Variants in ZFAT observed in about 807,000 individuals in gnomAD.
ZFAT encodes the protein zinc finger protein ZFAT.
Under a neutral mutation model 117.7 loss-of-function variants are expected in ZFAT, and 64 were observed. The ratio of observed to expected loss-of-function variants is 0.54; its 90% CI spans 0.44 to 0.67. The LOEUF is 0.67. Ranked by LOEUF, ZFAT falls within the 30% of genes least tolerant of loss-of-function variation. The pLI is 0.00. For missense variants in ZFAT, 1,433 were observed against 1,584.5 expected, an observed-to-expected ratio of 0.90 and a Z score of 1.62; for synonymous variants, 679 against 615.0, an observed-to-expected ratio of 1.10 and a Z score of -1.54.
intron 15 of ZFAT, among the ~76,000 whole-genome samples, chr8:134,500,877 C>T (rs6421010): frequency 0.95 from 144,132 of 152,282 alleles, 68,225 homozygotes; most frequent in East Asian, 1. Context: ...ATAAGGAATG[C>T]CAAGTATGAG....
chr8:134,749,146 C>T, the ZFAT span, among the ~76,000 whole-genome samples: 4 of 152,128 alleles, frequency 2.6e-5, no homozygotes, highest in African/African-American at 4.8e-5. Context: ...TTAATTTTTA[C>T]TATAACCAAT....
At chr8:134,538,243 G>A (rs574935573) in intron 11 of ZFAT, among the ~76,000 whole-genome samples, 106 of 152,242 alleles carry the variant, frequency 7.0e-4, no homozygotes, top group African/African-American at 2.2e-3. Context: ...CTGGAATCAC[G>A]GGATCTGAGG....
chr8:134,653,419 GTTTTTTTTTTTTTTT>G (rs61711569), intron 2 of ZFAT, among the ~76,000 whole-genome samples: 1 of 51,338 alleles, frequency 1.9e-5, no homozygotes, highest in Non-Finnish European at 3.3e-5. Flanking sequence ...CGTTTTATCT[GTTTTTTTTTTTTTTT>G]TTTTTTTTTT....
At position 134,521,008 on chromosome 8, in the gene ZFAT, G is replaced by A. The variant is rs777673293; in HGVS notation, c.3116-7C>T. ...ACAGGACACTTCAAACCACCTGAAA[G>A]CACAGACAGAGGTTAAAAAAAAAAT... On this transcript the variant is annotated splice_polypyrimidine_tract_variant and splice_region_variant and intron_variant, in intron 12 of 15. Transcript: ENST00000377838. The A allele has an allele frequency of 6.2e-7, 1 of 1,606,762 alleles. No homozygotes were observed. The highest frequency in any genetic ancestry group is 8.5e-7 in the Non-Finnish European group (1 of 1,175,664).
chr8:134,785,241 T>C, the ZFAT span: 4 of 152,290 alleles, frequency 2.6e-5, no homozygotes, highest in African/African-American at 9.6e-5. Context: ...CCTTAAGTAG[T>C]CCTTTATGTA....
In ZFAT at chr8:134,534,031, C is replaced by A. The variant is rs531371481; in HGVS notation, c.2977-1059G>T. 3.3e-5 allele frequency among the ~76,000 whole-genome samples: 5 copies of A among 152,298 alleles called. No individual in the cohort carries two copies. The South Asian group carries it at 1.0e-3, about 32-fold the overall frequency. On this transcript the variant is annotated intron_variant, in intron 11 of 15. Transcript: ENST00000377838. ...GGAGCAGAAGAGCATGGAGCAGCCA[C>A]AATGGAAGCAGCACTCTGCCTGGTG... is the stretch of plus-strand genomic sequence containing the variant.
intron 12 of ZFAT, among the ~76,000 whole-genome samples, chr8:134,529,884 T>C (rs922743170): frequency 2.0e-5 from 3 of 152,202 alleles, no homozygotes; most frequent in Admixed American, 6.5e-5. Context: ...GAACACACTG[T>C]AAACCACCCA....
the ZFAT span, chr8:134,786,008 C>T: frequency 2.0e-4 from 30 of 152,118 alleles, no homozygotes; most frequent in Non-Finnish European, 3.4e-4. Flanking sequence ...ATTATTAGGT[C>T]CCCTTAGAGT....
chr8:134,680,081 T>TA (rs1167452981), intron 1 of ZFAT, among the ~76,000 whole-genome samples: 1 of 151,008 alleles, frequency 6.6e-6, no homozygotes, highest in African/African-American at 2.4e-5. Flanking sequence ...CCCCTGAACT[T>TA]AAAGTATAAT....
At chr8:134,497,141 G>T (rs373651288) in intron 15 of ZFAT, among the ~76,000 whole-genome samples, 17 of 151,684 alleles carry the variant, frequency 1.1e-4, no homozygotes, top group African/African-American at 3.9e-4. Flanking sequence ...GGAAAGAGGT[G>T]GGCACCTTGC....
chr8:134,547,067 C>T (rs1426715337), intron 11 of ZFAT, among the ~76,000 whole-genome samples: 1 of 152,122 alleles, frequency 6.6e-6, no homozygotes, highest in African/African-American at 2.4e-5. Context: ...CCTCAGTCAC[C>T]CAGGGTAAAG....
the ZFAT span, among the ~76,000 whole-genome samples, chr8:134,781,940 A>G: frequency 6.6e-6 from 1 of 152,260 alleles, no homozygotes. Flanking sequence ...ATGTGTTAAT[A>G]GACTATTTGT....
At chr8:134,516,202 C>T (rs74524784) in intron 13 of ZFAT, among the ~76,000 whole-genome samples, 1,534 of 152,316 alleles carry the variant, frequency 0.01, 17 homozygotes, top group Middle Eastern at 0.02. Context: ...TGGAATTGAC[C>T]AATGTTCCTC....
intron 3 of ZFAT, among the ~76,000 whole-genome samples, chr8:134,625,753 C>T (rs1829452728): frequency 6.6e-6 from 1 of 152,212 alleles, no homozygotes; most frequent in Non-Finnish European, 1.5e-5. Flanking sequence ...TGATGGGAAG[C>T]CTCAGCCCCA....
chr8:134,776,474 T>C, the ZFAT span, among the ~76,000 whole-genome samples: 1 of 151,774 alleles, frequency 6.6e-6, no homozygotes, highest in African/African-American at 2.4e-5. Context: ...GGCTAGTTAT[T>C]TTATTTTTTT....
chr8:134,697,262 C>T (rs571953375), intron 1 of ZFAT, among the ~76,000 whole-genome samples: 3 of 152,054 alleles, frequency 2.0e-5, no homozygotes, highest in South Asian at 2.1e-4. Flanking sequence ...TACGGGCACC[C>T]GCCACCATGC....
upstream of ZFAT, among the ~76,000 whole-genome samples, chr8:134,717,154 G>A (rs1305968031): frequency 6.6e-6 from 1 of 152,184 alleles, no homozygotes; most frequent in Non-Finnish European, 1.5e-5. Context: ...AAATGCTAAT[G>A]ATGCATAATG....
chr8:134,482,179 C>T (rs867716227), intron 15 of ZFAT, among the ~76,000 whole-genome samples: 4 of 152,298 alleles, frequency 2.6e-5, no homozygotes, highest in Non-Finnish European at 4.4e-5. Context: ...TCTGACCCCC[C>T]GGGCACTTTT....
chr8:134,710,130 T>A (rs919239936), intron 1 of ZFAT, among the ~76,000 whole-genome samples: 1 of 152,192 alleles, frequency 6.6e-6, no homozygotes, highest in Admixed American at 6.5e-5. Flanking sequence ...ATTCCAGAAG[T>A]GGAGAAGTGG....
Sources: gnomAD v4.1 joint callset for allele counts (sites outside exome capture counted in the v4.1 genomes callset) on GRCh38, gnomAD v4.1.1 for gene constraint, MANE v1.5 for transcripts, NCBI Gene and HGNC (gene_info 2026-07-23, HGNC 2026-07-21) for gene names.